Variants in ACACB observed in about 807,000 individuals in gnomAD.
The protein encoded by ACACB is acetyl-CoA carboxylase 2.
Under a neutral mutation model 278.8 loss-of-function variants are expected in ACACB, and 209 were observed. The ratio of observed to expected loss-of-function variants is 0.75; its 90% CI spans 0.67 to 0.84. ACACB has a LOEUF of 0.84. Among genes scored for constraint, ACACB ranks in the 40% least tolerant of loss-of-function variants. The pLI, the probability that ACACB is intolerant of heterozygous loss-of-function variation, is 0.00. For missense variants in ACACB, 2,850 were observed against 3,269.0 expected, an observed-to-expected ratio of 0.87 and a Z score of 3.13; for synonymous variants, 1,174 against 1,285.6, an observed-to-expected ratio of 0.91 and a Z score of 1.86.
At position 109,201,598 on chromosome 12, in the gene ACACB, AG is replaced by A; in HGVS notation, c.2812del (p.Glu938LysfsTer5). 7 of 1,614,176 alleles carry A rather than the reference AG, an allele frequency of 4.3e-6. No homozygotes were observed. The highest frequency in any genetic ancestry group is 5.9e-6 in the Non-Finnish European group (7 of 1,180,032). On this transcript the variant is annotated frameshift_variant, in exon 19 of 53. Coordinates refer to ENST00000338432, the MANE Select transcript of ACACB (RefSeq NM_001093.4). LOFTEE classifies it high-confidence loss of function. The part of the protein sequence containing the change: ...VMKMIMTLNV[Q>X]ERGRVKYIKR... ...AAGATGATCATGACCCTGAACGTTC[AG>A]GAAAGAGGCCGGGTGAAGTACATCA...
chr12:109,247,311 A>G (rs7133315), intron 39 of ACACB, among the ~76,000 whole-genome samples: 46,660 of 152,042 alleles, frequency 0.31, 7,536 homozygotes, highest in East Asian at 0.43. Flanking sequence ...ATACATATAC[A>G]GAGTATGTAA....
At chr12:109,129,628 C>T (rs972087146) in intron 1 of ACACB, among the ~76,000 whole-genome samples, 1 of 152,222 alleles carries the variant, frequency 6.6e-6, no homozygotes, top group Non-Finnish European at 1.5e-5. Context: ...GATGTTAATT[C>T]AGCCTGGTCC....
At chr12:109,178,361 C>T (rs897311808) in intron 9 of ACACB, among the ~76,000 whole-genome samples, 8 of 152,140 alleles carry the variant, frequency 5.3e-5, no homozygotes, top group African/African-American at 9.7e-5. Context: ...AGATTCCACC[C>T]GGGAGAGCTA....
rs749768594 is a variant in ACACB at position 109,265,509 on chromosome 12, C to T, written c.7234C>T (p.Leu2412Phe). ...NITYLKHDSV[L>F]KTIRGLVEEN... ...CACGTACCTGAAGCACGACTCTGTCCTCAAGACCATCCGAGGGTGAGTGGC... is the reference window on the plus strand; with the variant it reads ...CACGTACCTGAAGCACGACTCTGTCTTCAAGACCATCCGAGGGTGAGTGGC... Residue 2412 changes from leucine (L) to phenylalanine (F), a missense_variant, in exon 52 of 53, where the codon CTC (leucine) becomes TTC (phenylalanine). Around this residue, in one of 3 missense-constraint regions of ACACB, gnomAD observed 579 missense variants for 684.6 expected, o/e 0.85. Transcript: ENST00000338432. 1 of 1,613,580 alleles carries T rather than the reference C, an allele frequency of 6.2e-7. No homozygotes were observed.
intron 1 of ACACB, among the ~76,000 whole-genome samples, chr12:109,123,517 C>T (rs1026603677): frequency 4.6e-5 from 7 of 151,720 alleles, no homozygotes; most frequent in African/African-American, 1.2e-4. Flanking sequence ...CATGGAAAAA[C>T]GCCCATCTCT....
intron 24 of ACACB, among the ~76,000 whole-genome samples, chr12:109,220,887 C>A (rs1399055448): frequency 6.6e-6 from 1 of 152,140 alleles, no homozygotes; most frequent in Non-Finnish European, 1.5e-5. Context: ...TTATTATTAT[C>A]TTTTGTATGT....
chr12:109,170,357 G>A (rs1265606568), intron 4 of ACACB, among the ~76,000 whole-genome samples: 8 of 152,074 alleles, frequency 5.3e-5, no homozygotes, highest in Admixed American at 2.0e-4. Flanking sequence ...CAGCCACCGC[G>A]CCCAGCCAGC....
At chr12:109,116,270 A>C (rs144629432), upstream of ACACB, among the ~76,000 whole-genome samples, 1,411 of 152,322 alleles carry the variant, frequency 9.3e-3, 31 homozygotes, top group African/African-American at 0.031. Flanking sequence ...TGTTTCTCAA[A>C]TGACCAACAC....
chr12:109,247,696 G>C lies in ACACB; in HGVS notation c.5662G>C (p.Glu1888Gln). 5 of 1,612,928 alleles carry C rather than the reference G, an allele frequency of 3.1e-6. No homozygotes were observed. The highest frequency in any genetic ancestry group is 4.2e-6 in the Non-Finnish European group (5 of 1,179,164). The change falls in exon 40 of 53, where the codon GAG (glutamate) becomes CAG (glutamine). Residue 1888 changes from glutamate (E) to glutamine (Q), a missense_variant. Physicochemically the swap from Glu to Gln is conservative, Grantham distance 29. Transcript: ENST00000338432. ...CTGTAAACACATCGAGGAAGGAGGA[G>C]AGTCCAGGTAAATAACTTATCAGGT... Reference protein sequence around the residue: ...VHCKHIEEGGESRYMITDIIG... With the variant: ...VHCKHIEEGGQSRYMITDIIG...
intron 2 of ACACB, among the ~76,000 whole-genome samples, chr12:109,152,549 T>C (rs1426956437): frequency 6.6e-6 from 1 of 151,968 alleles, no homozygotes; most frequent in Non-Finnish European, 1.5e-5. Flanking sequence ...GCATGGCTGC[T>C]TAAACAGGGG....
intron 19 of ACACB, among the ~76,000 whole-genome samples, chr12:109,206,360 G>A (rs1255724814): frequency 6.7e-6 from 1 of 150,256 alleles, no homozygotes; most frequent in East Asian, 1.9e-4. Context: ...CTTGAACCCG[G>A]GAGGCAGAGG....
Position 109,176,189 on chromosome 12 carries a change from G to A in ACACB, c.1363G>A (p.Ala455Thr). 1.2e-6 allele frequency: 2 copies of A among 1,614,216 alleles called. No individual in the cohort carries two copies. The highest frequency in any genetic ancestry group is 1.6e-4 in the Middle Eastern group (1 of 6,062). ...ERIGFPLMIK[A>T]SEGGGGKGIR... is the part of the protein sequence containing the mutation. ...AATTGGTTTTCCATTGATGATCAAA[G>A]CTTCTGAAGGTGGCGGAGGGAAGGG... The change falls in exon 9 of 53, where the codon GCT becomes ACT. Residue 455 changes from alanine to threonine, a missense_variant. By Grantham distance (58) the Ala-to-Thr change is moderately conservative. This residue lies in a region of ACACB where 2,265 missense variants were observed against 2,561.3 expected (regional missense o/e 0.88). Coordinates refer to ENST00000338432, the MANE Select transcript of ACACB (RefSeq NM_001093.4).
At chr12:109,190,626 GTT>G (rs79826041) in intron 13 of ACACB, among the ~76,000 whole-genome samples, 2,151 of 150,710 alleles carry the variant, frequency 0.014, 63 homozygotes, top group African/African-American at 0.049. Flanking sequence ...TTTTCCCTTT[GTT>G]TTTTTTTCTT....
At chr12:109,187,039 C>T (rs910533406) in intron 12 of ACACB, among the ~76,000 whole-genome samples, 1 of 149,126 alleles carries the variant, frequency 6.7e-6, no homozygotes, top group African/African-American at 2.5e-5. Context: ...TGGCAGCAGC[C>T]TGGCCGATGG....
chr12:109,221,229 G>A (rs903101814), intron 24 of ACACB, among the ~76,000 whole-genome samples: 12 of 152,038 alleles, frequency 7.9e-5, no homozygotes, highest in Admixed American at 5.9e-4. Flanking sequence ...AATCAGTCTC[G>A]GTTCATTATA....
chr12:109,216,623 G>T lies in ACACB; in HGVS notation c.3356G>T (p.Arg1119Leu). The part of the protein sequence containing the change: ...QSIVQLVQRY[R>L]SGIRGYMKTV... ...CAGCCTTCCCTTCTCCCCAGATACC[G>T]CAGCGGGATCCGCGGCTATATGAAA... Residue 1119 changes from arginine to leucine, a missense_variant, in exon 23 of 53, where the codon CGC becomes CTC. Arg to Leu is a moderately radical substitution (Grantham distance 102). This residue lies in a region of ACACB where 2,265 missense variants were observed against 2,561.3 expected (regional missense o/e 0.88). Coordinates refer to ENST00000338432, the MANE Select transcript of ACACB (RefSeq NM_001093.4). 1.9e-6 allele frequency: 3 copies of T among 1,614,116 alleles called. No homozygotes were observed. The highest frequency in any genetic ancestry group is 1.7e-6 in the Non-Finnish European group (2 of 1,179,980).
intron 48 of ACACB, 150 bp downstream of exon 48, chr12:109,260,807 C>T: frequency 1.1e-6 from 1 of 870,126 alleles, no homozygotes. Context: ...TTCCACTTCC[C>T]CTTCCCAAGG....
intron 27 of ACACB, among the ~76,000 whole-genome samples, chr12:109,224,174 T>C (rs2075258): frequency 0.29 from 44,434 of 151,974 alleles, 7,084 homozygotes; most frequent in African/African-American, 0.41. Flanking sequence ...CCATGCTAGT[T>C]ACCACTGCTG....
In ACACB at chr12:109,175,960, C is replaced by A; in HGVS notation, c.1246C>A (p.Leu416Met). The A allele has an allele frequency of 6.2e-7, 1 of 1,614,076 alleles. No individual in the cohort carries two copies. Reference sequence around the variant, plus strand: ...GACAGTGGAGTGGACAGAAGATGATCTGCAGCAGGGAAAAAGAATCAGTGT... The same window carrying A: ...GACAGTGGAGTGGACAGAAGATGATATGCAGCAGGGAAAAAGAATCAGTGT... The part of the protein sequence containing the change: ...GLTVEWTEDD[L>M]QQGKRISVPE... Residue 416 changes from leucine to methionine, a missense_variant, in exon 8 of 53, where the codon CTG (leucine) becomes ATG (methionine). Physicochemically the swap from Leu to Met is conservative, Grantham distance 15 (BLOSUM62 2). Transcript: ENST00000338432.
Sources: allele counts gnomAD v4.1 joint callset (sites outside exome capture counted in the v4.1 genomes callset), GRCh38; gene constraint gnomAD v4.1.1; regional missense constraint gnomAD v4.1.1; transcripts MANE v1.5; gene names NCBI Gene and HGNC (gene_info 2026-07-23, HGNC 2026-07-21).